Variants in NIPSNAP2 observed in about 807,000 individuals in gnomAD.
NIPSNAP2 encodes protein NipSnap homolog 2.
Under a neutral mutation model 48.4 loss-of-function variants are expected in NIPSNAP2, and 42 were observed. The observed-to-expected ratio is 0.87, with a 90% CI of 0.68 to 1.12. NIPSNAP2 has a LOEUF of 1.12. Among genes scored for constraint, NIPSNAP2 ranks in the 50% most tolerant of loss-of-function variants. The pLI is 0.00. For missense variants in NIPSNAP2, 314 were observed against 347.3 expected, an observed-to-expected ratio of 0.90 and a Z score of 0.76; for synonymous variants, 158 against 126.6, an observed-to-expected ratio of 1.25 and a Z score of -1.67.
chr7:55,978,319 A>G, intron 2 of NIPSNAP2, 31 bp from the exon 3 acceptor site: 1 of 1,613,132 alleles, frequency 6.2e-7, no homozygotes, highest in East Asian at 2.2e-5. Context: ...CTTTGTTCCT[A>G]AGTTTATCGT....
At chr7:55,980,936 TC>T (rs1787202681) in intron 3 of NIPSNAP2, 1 of 152,406 alleles carries the variant, frequency 6.6e-6, no homozygotes, top group East Asian at 1.9e-4. Flanking sequence ...TATGTTGTGT[TC>T]CAGCTGTCTT....
chr7:55,979,708 G>A, intron 3 of NIPSNAP2: 1 of 453,612 alleles, frequency 2.2e-6, no homozygotes, highest in South Asian at 1.6e-5. Flanking sequence ...TGATCTGCTT[G>A]AGTTCTGTTT....
At chr7:55,996,719 A>G (rs1462695995) in intron 8 of NIPSNAP2, among the ~76,000 whole-genome samples, 1 of 152,148 alleles carries the variant, frequency 6.6e-6, no homozygotes, top group Non-Finnish European at 1.5e-5. Flanking sequence ...TAGATTCACT[A>G]GATTGTAAAG....
intron 6 of NIPSNAP2, 97 bp from the exon 7 acceptor site, chr7:55,984,750 A>G (rs1787291847): frequency 1.2e-6 from 1 of 861,948 alleles, no homozygotes; most frequent in Admixed American, 2.4e-5. Flanking sequence ...TTTTGAAGTT[A>G]GTTTTGTCAC....
chr7:55,974,847 TAAAAAAA>T (rs11391060), intron 1 of NIPSNAP2, among the ~76,000 whole-genome samples: 18 of 112,286 alleles, frequency 1.6e-4, no homozygotes, highest in African/African-American at 5.1e-4. Flanking sequence ...GACTCTGTCT[TAAAAAAA>T]AAAAAAAAAA....
intron 7 of NIPSNAP2, among the ~76,000 whole-genome samples, chr7:55,994,111 C>T (rs1435381222): frequency 2.0e-5 from 3 of 152,160 alleles, no homozygotes; most frequent in Admixed American, 6.5e-5. Flanking sequence ...GTGCTTCCTT[C>T]ACCTGTGTTT....
intron 6 of NIPSNAP2, 44 bp downstream of exon 6, chr7:55,983,912 A>G (rs761237149): frequency 2.3e-5 from 37 of 1,583,220 alleles, no homozygotes; most frequent in Non-Finnish European, 2.8e-5. Flanking sequence ...CCTCTGTGAA[A>G]AAGCACAAGC....
At chr7:55,978,546 G>A in intron 3 of NIPSNAP2, 151 bp downstream of exon 3, 1 of 723,536 alleles carries the variant, frequency 1.4e-6, no homozygotes. Flanking sequence ...GCTTCATGTG[G>A]GATTGCCGAA....
chr7:55,977,119 G>A (rs192756864), intron 1 of NIPSNAP2, among the ~76,000 whole-genome samples: 1 of 151,866 alleles, frequency 6.6e-6, no homozygotes, highest in Non-Finnish European at 1.5e-5. Flanking sequence ...GGCCAGGCTC[G>A]GTAGCTCCTG....
intron 7 of NIPSNAP2, among the ~76,000 whole-genome samples, chr7:55,985,321 A>C (rs899078651): frequency 5.9e-5 from 9 of 152,176 alleles, no homozygotes; most frequent in African/African-American, 2.2e-4. Flanking sequence ...TATACACACC[A>C]TGTCAATAAT....
intron 1 of NIPSNAP2, among the ~76,000 whole-genome samples, chr7:55,968,503 A>G (rs1464683535): frequency 6.7e-6 from 1 of 150,216 alleles, no homozygotes; most frequent in East Asian, 2.0e-4. Context: ...CTCCTGTCTC[A>G]GCCTCCCGAT....
chr7:55,982,738 C>A (rs1204824346), intron 5 of NIPSNAP2, among the ~76,000 whole-genome samples: 2 of 144,952 alleles, frequency 1.4e-5, no homozygotes, highest in African/African-American at 5.1e-5. Context: ...GGCGACAGAG[C>A]AAGACTCTGT....
chr7:55,992,534 A>AT (rs944968312), intron 7 of NIPSNAP2, among the ~76,000 whole-genome samples: 1 of 151,958 alleles, frequency 6.6e-6, no homozygotes, highest in Non-Finnish European at 1.5e-5. Flanking sequence ...TCACTCTTGG[A>AT]TTTTTTTCCC....
In NIPSNAP2 at chr7:55,984,450, C is replaced by G. The variant is rs111404615; in HGVS notation, c.586-397C>G. Among the ~76,000 whole-genome samples the G allele has an allele frequency of 3.7e-3, 560 of 152,230 alleles. 5 individuals carry two copies. Among genetic ancestry groups the G allele is most frequent in the African/African-American group, 0.013 (532 of 41,538 alleles). On this transcript the variant is annotated intron_variant, in intron 6 of 9. Coordinates refer to ENST00000322090, the MANE Select transcript of NIPSNAP2 (RefSeq NM_001483.3). ...GTAAAGTTTTGGCTGGGTGTGGTGG[C>G]TCATGCCTGTAATCCCAGCTTTTTG...
In NIPSNAP2 at chr7:55,983,857, T is replaced by TA. The variant is rs1239085704; in HGVS notation, c.575dup (p.Tyr192Ter). ...ACCTAATATATATGAACTCAGGTCT[T>TA]ACCAACTCCGAGTAAGTACAGAAAT... ...SGPNIYELRS[Y>*]QLRPGTMIEW... The change falls in exon 6 of 10, where the codon TAC (tyrosine) becomes TAAC (stop). Residue 192 changes from tyrosine to a stop codon, truncating the protein, a stop_gained and frameshift_variant. Coordinates refer to ENST00000322090, the MANE Select transcript of NIPSNAP2 (RefSeq NM_001483.3). LOFTEE classifies it high-confidence loss of function. 1 of 1,613,098 alleles carries TA rather than the reference T, an allele frequency of 6.2e-7. No individual in the cohort carries two copies. The highest frequency in any genetic ancestry group is 8.5e-7 in the Non-Finnish European group (1 of 1,179,776).
At chr7:55,971,560 T>C (rs984924139) in intron 1 of NIPSNAP2, among the ~76,000 whole-genome samples, 5 of 152,118 alleles carry the variant, frequency 3.3e-5, no homozygotes, top group African/African-American at 1.2e-4. Flanking sequence ...ACTTGTGGGC[T>C]CAAGCGATCC....
intron 7 of NIPSNAP2, among the ~76,000 whole-genome samples, chr7:55,985,905 G>T (rs34114241): frequency 6.6e-6 from 1 of 151,836 alleles, no homozygotes; most frequent in Non-Finnish European, 1.5e-5. Flanking sequence ...AAGATTAGCC[G>T]AGCGTGGTGG....
At chr7:55,990,116 A>G (rs555420306) in intron 7 of NIPSNAP2, among the ~76,000 whole-genome samples, 66 of 152,188 alleles carry the variant, frequency 4.3e-4, no homozygotes, top group African/African-American at 1.5e-3. Flanking sequence ...AAACATTGGG[A>G]TAGTTTCCTA....
intron 6 of NIPSNAP2, 128 bp from the exon 7 acceptor site, chr7:55,984,717 CAA>C (rs34985300): frequency 0.23 from 112,442 of 479,016 alleles, 2,293 homozygotes; most frequent in Non-Finnish European, 0.25. Flanking sequence ...GATTCTGTCT[CAA>C]AAAAAAAAAA....
Sources: gnomAD v4.1 joint callset for allele counts (sites outside exome capture counted in the v4.1 genomes callset) on GRCh38, gnomAD v4.1.1 for gene constraint, MANE v1.5 for transcripts, NCBI Gene and HGNC (gene_info 2026-07-23, HGNC 2026-07-21) for gene names.